Variants in TEX14 observed in about 807,000 individuals in gnomAD.
TEX14 encodes inactive serine/threonine-protein kinase TEX14.
TEX14 carries 168 observed loss-of-function variants against 178.6 expected under a neutral mutation model. That is an observed-to-expected ratio of 0.94 (90% confidence interval 0.83 to 1.07). The LOEUF (loss-of-function observed/expected upper bound fraction) is 1.07, where lower values mean the gene tolerates loss of function less well. Ranked by LOEUF, TEX14 falls within the 50% of genes least tolerant of loss-of-function variation. The pLI, the probability that TEX14 is intolerant of heterozygous loss-of-function variation, is 0.00. For synonymous variants in TEX14, 626 were observed against 634.1 expected (o/e 0.99, Z 0.19); for missense variants, 1,730 against 1,753.6 (o/e 0.99, Z 0.24).
intron 21 of TEX14, among the ~76,000 whole-genome samples, chr17:58,576,508 A>G (rs373547084): frequency 6.6e-6 from 1 of 152,232 alleles, no homozygotes; most frequent in East Asian, 1.9e-4. Context: ...GTGAAATTCT[A>G]TCTCAAGAAA....
chr17:58,669,733 CAAAAAA>C (rs71367615), intron 1 of TEX14, among the ~76,000 whole-genome samples: 12 of 56,300 alleles, frequency 2.1e-4, no homozygotes, highest in Non-Finnish European at 2.4e-4. Flanking sequence ...GACTCCGTCT[CAAAAAA>C]AAAAAAAAAA....
chr17:58,666,568 C>T (rs1943040823), intron 1 of TEX14: 1 of 151,448 alleles, frequency 6.6e-6, no homozygotes, highest in Non-Finnish European at 1.5e-5. Flanking sequence ...TCTCCCGCTA[C>T]CACAAATTAT....
chr17:58,625,850 C>T (rs886324045), intron 3 of TEX14, among the ~76,000 whole-genome samples: 5 of 152,114 alleles, frequency 3.3e-5, no homozygotes, highest in African/African-American at 9.7e-5. Flanking sequence ...AAGATATTCT[C>T]CTGCCTGAGC....
At chr17:58,670,765 T>G (rs1166849499) in intron 1 of TEX14, among the ~76,000 whole-genome samples, 20 of 73,048 alleles carry the variant, frequency 2.7e-4, no homozygotes, top group African/African-American at 1.2e-3. Flanking sequence ...AGAGTGAGAC[T>G]CCCTCTTAAA....
chr17:58,636,560 A>G lies in TEX14; in HGVS notation c.137-6006T>C, dbSNP rs73327397. On this transcript the variant is annotated intron_variant, in intron 2 of 31. Transcript: ENST00000349033. ...GTAGATGAAGAAATGGAGAGAGATC[A>G]ATTTGCCAGAGGTCACAAACCAGTC... is the stretch of plus-strand genomic sequence containing the variant. Among the ~76,000 whole-genome samples, 1,411 of 152,348 alleles carry G rather than the reference A, an allele frequency of 9.3e-3. 25 individuals are homozygous for G. Among genetic ancestry groups the G allele is most frequent in the African/African-American group, 0.031 (1,305 of 41,586 alleles).
intron 15 of TEX14, among the ~76,000 whole-genome samples, chr17:58,592,977 CAT>C (rs1182591854): frequency 2.6e-5 from 4 of 151,926 alleles, no homozygotes; most frequent in African/African-American, 9.7e-5. Flanking sequence ...TGCATGAATA[CAT>C]ATACATATAT....
At chr17:58,616,153 A>C in intron 7 of TEX14, 22 bp downstream of exon 7, 5 of 1,602,706 alleles carry the variant, frequency 3.1e-6, no homozygotes, top group Non-Finnish European at 4.3e-6. Context: ...ATCAGACCTC[A>C]AACTGGCCAG....
chr17:58,637,641 A>G (rs974161248), intron 2 of TEX14, among the ~76,000 whole-genome samples: 2 of 152,176 alleles, frequency 1.3e-5, no homozygotes, highest in Non-Finnish European at 2.9e-5. Flanking sequence ...GGAATCACCA[A>G]GCTTTTTCCC....
intron 1 of TEX14, among the ~76,000 whole-genome samples, chr17:58,653,227 C>T (rs896283186): frequency 2.0e-4 from 30 of 152,062 alleles, no homozygotes; most frequent in African/African-American, 5.1e-4. Context: ...TGAGCCACGG[C>T]GCCTGGTCTG....
chr17:58,674,929 T>G (rs1420206117), intron 1 of TEX14, among the ~76,000 whole-genome samples: 1 of 150,972 alleles, frequency 6.6e-6, no homozygotes, highest in African/African-American at 2.4e-5. Flanking sequence ...GTGCATCACT[T>G]GAAGCCAGGA....
intron 8 of TEX14, 112 bp from the exon 9 acceptor site, chr17:58,613,656 T>G: frequency 8.9e-7 from 1 of 1,124,654 alleles, no homozygotes; most frequent in Non-Finnish European, 1.3e-6. Context: ...ATACGATGTT[T>G]TCTTTTCTTT....
intron 3 of TEX14, 96 bp from the exon 4 acceptor site, chr17:58,623,108 A>T (rs1157071913): frequency 8.7e-7 from 1 of 1,148,526 alleles, no homozygotes; most frequent in Non-Finnish European, 1.2e-6. Context: ...CCATTCTACA[A>T]GGCAACGTTG....
chr17:58,680,581 A>G (rs1033723806), intron 1 of TEX14, among the ~76,000 whole-genome samples: 1 of 152,004 alleles, frequency 6.6e-6, no homozygotes, highest in African/African-American at 2.4e-5. Context: ...ATCTCTAATA[A>G]AAATACAAAA....
In TEX14 at chr17:58,611,256, G is replaced by C. The variant is rs1370950640; in HGVS notation, c.1089C>G (p.Phe363Leu). 7 of 1,612,746 alleles carry C rather than the reference G, an allele frequency of 4.3e-6. No individual in the cohort carries two copies. In the African/African-American group the frequency reaches 6.7e-5, roughly 15 times the overall value. ...TGAGGGAGCGGTGGATAAACCCCTG[G>C]AAATGCAGGTATCTCAGGGCATCAG... Reference protein sequence around the residue: ...QISDALRYLHFQGFIHRSLSS... With the variant: ...QISDALRYLHLQGFIHRSLSS... Residue 363 changes from phenylalanine to leucine, a missense_variant, in exon 10 of 32, where the codon TTC becomes TTG. Phe to Leu is a conservative substitution (Grantham distance 22, BLOSUM62 0). Around this residue, in one of 2 missense-constraint regions of TEX14, gnomAD observed 789 missense variants for 681.2 expected, o/e 1.16. Coordinates refer to ENST00000349033, the MANE Select transcript of TEX14 (RefSeq NM_031272.5).
chr17:58,598,227 T>C (rs1377007708), intron 14 of TEX14, among the ~76,000 whole-genome samples: 1 of 150,188 alleles, frequency 6.7e-6, no homozygotes, highest in Admixed American at 6.7e-5. Flanking sequence ...GGCAGGAGAA[T>C]CACTTGAACC....
intron 4 of TEX14, 69 bp downstream of exon 4, chr17:58,622,778 A>G (rs532255816): frequency 6.8e-7 from 1 of 1,478,482 alleles, no homozygotes; most frequent in East Asian, 2.3e-5. Flanking sequence ...TGTGCTGACC[A>G]CTGGGAGCCT....
chr17:58,632,133 G>A (rs945562950), intron 2 of TEX14, among the ~76,000 whole-genome samples: 8 of 152,232 alleles, frequency 5.3e-5, no homozygotes, highest in African/African-American at 1.7e-4. Context: ...AAGCGCGCCG[G>A]AGCGCCAGAA....
intron 1 of TEX14, among the ~76,000 whole-genome samples, chr17:58,655,603 A>G (rs542755899): frequency 6.6e-6 from 1 of 152,192 alleles, no homozygotes; most frequent in African/African-American, 2.4e-5. Context: ...TACAGAAGTG[A>G]GCCACCGCAC....
At chr17:58,580,869 C>G (rs1255956279) in intron 19 of TEX14, among the ~76,000 whole-genome samples, 1 of 152,028 alleles carries the variant, frequency 6.6e-6, no homozygotes, top group Non-Finnish European at 1.5e-5. Flanking sequence ...GTTGCTGAAC[C>G]CTTGCCTCAA....
Sources: gnomAD v4.1 joint callset for allele counts (sites outside exome capture counted in the v4.1 genomes callset) on GRCh38, gnomAD v4.1.1 for gene constraint, gnomAD v4.1.1 regional missense constraint, MANE v1.5 for transcripts, NCBI Gene and HGNC (gene_info 2026-07-23, HGNC 2026-07-21) for gene names.